The following NCBP3 variants were observed in gnomAD, a reference collection of about 807,000 sequenced individuals.
NCBP3 encodes the protein nuclear cap-binding protein subunit 3.
NCBP3 carries 20 observed loss-of-function variants against 75.7 expected under a neutral mutation model. The ratio of observed to expected loss-of-function variants is 0.26; its 90% CI spans 0.19 to 0.38. The LOEUF is 0.38. NCBP3 is among the 10% of genes least tolerant of loss of function. NCBP3 has a pLI of 1.00. For missense variants in NCBP3, 678 were observed against 796.9 expected, an observed-to-expected ratio of 0.85 and a Z score of 1.80; for synonymous variants, 293 against 290.5, an observed-to-expected ratio of 1.01 and a Z score of -0.09.
Position 3,829,362 on chromosome 17 carries a change from G to T in NCBP3, c.362C>A (p.Pro121His). ...ATAGATTGTCTCCAGTCTCACCTTG[G>T]GGATTGCTAGAAAGACAAGACACAG... ...LDRDMMKKAI[P>H]KVRLETIYIC... The change falls in exon 4 of 13, where the codon CCC becomes CAC. Residue 121 changes from proline to histidine, a missense_variant. Around this residue, in one of 7 missense-constraint regions of NCBP3, gnomAD observed 40 missense variants for 41.3 expected, o/e 0.97. Transcript: ENST00000389005. 2 of 1,551,420 alleles carry T rather than the reference G, an allele frequency of 1.3e-6. No homozygotes were observed. The highest frequency in any genetic ancestry group is 8.7e-7 in the Non-Finnish European group (1 of 1,146,720).
In NCBP3 at chr17:3,842,883, G is replaced by A. The variant is rs73314076; in HGVS notation, c.249+203C>T. 7.3e-3 allele frequency among the ~76,000 whole-genome samples: 1,110 copies of A among 151,828 alleles called. 15 individuals are homozygous for A. Among genetic ancestry groups the A allele is most frequent in the African/African-American group, 0.026 (1,072 of 41,380 alleles). ...TGGTCTCGAACTCCTGGGCTTAAACGATCCACTTGCTTGGCCTCTCAAAAT... is the reference window on the plus strand; with the variant it reads ...TGGTCTCGAACTCCTGGGCTTAAACAATCCACTTGCTTGGCCTCTCAAAAT... On this transcript the variant is annotated intron_variant, in intron 2 of 12. Transcript: ENST00000389005.
Position 3,825,681 on chromosome 17 carries a change from G to C in NCBP3, c.687+86C>G, listed in dbSNP as rs188647794. Reference sequence around the variant, plus strand: ...TAATGGTGAAAGCTAGAGAAAAAACGTAACTAAGTCTTTAAGGCTTAAGTT... The same window carrying C: ...TAATGGTGAAAGCTAGAGAAAAAACCTAACTAAGTCTTTAAGGCTTAAGTT... On this transcript the variant is annotated intron_variant, in intron 6 of 12. Coordinates refer to ENST00000389005, the MANE Select transcript of NCBP3 (RefSeq NM_001114118.3). 8.0e-4 allele frequency: 769 copies of C among 957,354 alleles called. 4 individuals carry two copies. The African/African-American group carries it at 9.9e-3, about 12-fold the overall frequency. 59.3% of individuals were successfully genotyped at this position (957,354 alleles called of 1,614,324 possible). A position where few individuals can be genotyped will look rare whatever the true frequency, so the allele number is the denominator to read the frequency against.
chr17:3,821,199 G>A (rs1260303685), intron 9 of NCBP3, 50 bp downstream of exon 9: 6 of 1,308,898 alleles, frequency 4.6e-6, no homozygotes, highest in Non-Finnish European at 6.6e-6. Context: ...ATAAAAATAT[G>A]ATTTCAGGAG....
chr17:3,825,192 T>C (rs1490388395), intron 6 of NCBP3, 142 bp from the exon 7 acceptor site: 1 of 530,650 alleles, frequency 1.9e-6, no homozygotes, highest in Non-Finnish European at 3.3e-6. Context: ...AATTTCTAAC[T>C]CAGAGATTTC....
intron 3 of NCBP3, among the ~76,000 whole-genome samples, chr17:3,831,138 C>T (rs914920498): frequency 1.5e-4 from 23 of 150,040 alleles, no homozygotes; most frequent in African/African-American, 5.4e-4. Context: ...CTCGAACTCC[C>T]GACCTCAGGT....
At position 3,812,594 on chromosome 17, in the gene NCBP3, G is replaced by A. The variant is rs1213623690; in HGVS notation, c.*450C>T. 15 of 1,011,024 alleles carry A rather than the reference G, an allele frequency of 1.5e-5. No individual in the cohort carries two copies. In the Admixed American group the frequency reaches 3.2e-4, roughly 21 times the overall value. The allele number at this position is 1,011,024 out of a possible 1,614,324, so 62.6% of individuals were successfully genotyped here. A position where few individuals can be genotyped will look rare whatever the true frequency, so the allele number is the denominator to read the frequency against. On this transcript the variant is annotated 3_prime_UTR_variant, in exon 13 of 13. Transcript: ENST00000389005. The stretch of plus-strand genomic sequence containing the variant: ...GGCCGCTTCCCTCCTCTTCCCCCTC[G>A]AAGGATGTCCAATAAGCACCTGGGA...
At chr17:3,827,456 T>C (rs218717) in intron 4 of NCBP3, among the ~76,000 whole-genome samples, 15,597 of 152,282 alleles carry the variant, frequency 0.1, 1,598 homozygotes, top group African/African-American at 0.26. Flanking sequence ...ATATGTAGAA[T>C]GGAGGCATGA....
chr17:3,825,292 G>C (rs1196567152), intron 6 of NCBP3, among the ~76,000 whole-genome samples: 2 of 152,132 alleles, frequency 1.3e-5, no homozygotes, highest in Non-Finnish European at 2.9e-5. Context: ...CACAGTATGA[G>C]ATATCTGTGC....
Position 3,843,171 on chromosome 17 carries a change from T to A in NCBP3, c.184-20A>T, listed in dbSNP as rs1161392381. 6.5e-7 allele frequency: 1 copy of A among 1,548,382 alleles called. No individual in the cohort carries two copies. The highest frequency in any genetic ancestry group is 8.7e-7 in the Non-Finnish European group (1 of 1,144,730). Reference sequence around the variant, plus strand: ...CGTGTCCTAACACAAAGGGGAAGGGTGAGAAATTCAGACAGCAATTGAGGA... The same window carrying A: ...CGTGTCCTAACACAAAGGGGAAGGGAGAGAAATTCAGACAGCAATTGAGGA... On this transcript the variant is annotated intron_variant, in intron 1 of 12. Transcript: ENST00000389005.
chr17:3,814,755 T>C (rs1026360220), intron 11 of NCBP3, among the ~76,000 whole-genome samples: 40 of 151,548 alleles, frequency 2.6e-4, no homozygotes, highest in Non-Finnish European at 2.4e-4. Flanking sequence ...TTAAGCAGAA[T>C]CAAGAAGACT....
chr17:3,832,682 C>A (rs1181894559), intron 3 of NCBP3, among the ~76,000 whole-genome samples: 1 of 151,786 alleles, frequency 6.6e-6, no homozygotes. Flanking sequence ...GATTTAATGT[C>A]TATTACTACC....
In NCBP3 at chr17:3,805,550, C is replaced by A. The variant is rs185051570; in HGVS notation, c.*7494G>T. The A allele has an allele frequency of 3.0e-3, 452 of 152,470 alleles. 3 individuals are homozygous for A. Among genetic ancestry groups the A allele is most frequent in the African/African-American group, 0.01 (429 of 41,566 alleles). 9.4% of individuals were successfully genotyped at this position (152,470 alleles called of 1,614,324 possible). On this transcript the variant is annotated 3_prime_UTR_variant, in exon 13 of 13. Transcript: ENST00000389005. The stretch of plus-strand genomic sequence containing the variant: ...AAGAGGGTGCTCACCATGTTGGCAT[C>A]CTCCGGCCTCAGATCTGTGGGGGAC...
chr17:3,821,230 G>T lies in NCBP3; in HGVS notation c.1000+19C>A. 1 of 1,564,816 alleles carries T rather than the reference G, an allele frequency of 6.4e-7. No homozygotes were observed. The highest frequency in any genetic ancestry group is 1.1e-5 in the South Asian group (1 of 90,066). On this transcript the variant is annotated intron_variant, in intron 9 of 12. Transcript: ENST00000389005. The stretch of plus-strand genomic sequence containing the variant: ...AGGAGCCAAACATGTGTCTACCCAA[G>T]AGCTGAGCAGGCAACTACCAGAATG...
intron 3 of NCBP3, among the ~76,000 whole-genome samples, chr17:3,832,910 T>C (rs192115631): frequency 2.0e-5 from 3 of 152,124 alleles, no homozygotes; most frequent in East Asian, 1.9e-4. Context: ...TTCAGTTGAG[T>C]GCTTTCCTGA....
chr17:3,823,087 G>A (rs191188951), intron 7 of NCBP3, among the ~76,000 whole-genome samples: 1 of 152,322 alleles, frequency 6.6e-6, no homozygotes, highest in East Asian at 1.9e-4. Context: ...GCTGAGGCGG[G>A]CGGATCACAA....
chr17:3,831,152 C>A (rs1390367633), intron 3 of NCBP3, among the ~76,000 whole-genome samples: 4 of 150,944 alleles, frequency 2.6e-5, no homozygotes, highest in Admixed American at 2.6e-4. Flanking sequence ...CTCAGGTGAT[C>A]CGCCTGCCTC....
At chr17:3,826,660 A>G (rs1238586784) in intron 4 of NCBP3, among the ~76,000 whole-genome samples, 1 of 149,384 alleles carries the variant, frequency 6.7e-6, no homozygotes, top group Non-Finnish European at 1.5e-5. Flanking sequence ...AAATAAATAA[A>G]AAAGAAAGAA....
At chr17:3,825,917 T>C in intron 5 of NCBP3, 74 bp from the exon 6 acceptor site, 1 of 1,415,372 alleles carries the variant, frequency 7.1e-7, no homozygotes, top group Non-Finnish European at 9.7e-7. Flanking sequence ...ATGAACTATC[T>C]CATATAATTT....
chr17:3,826,872 G>A (rs12946785), intron 4 of NCBP3, among the ~76,000 whole-genome samples: 1 of 151,772 alleles, frequency 6.6e-6, no homozygotes, highest in Non-Finnish European at 1.5e-5. Flanking sequence ...AATTAGCCGG[G>A]CGTGGTGGCG....
Sources: gnomAD v4.1 joint callset for allele counts (sites outside exome capture counted in the v4.1 genomes callset) on GRCh38, gnomAD v4.1.1 for gene constraint, gnomAD v4.1.1 regional missense constraint, MANE v1.5 for transcripts, NCBI Gene and HGNC (gene_info 2026-07-23, HGNC 2026-07-21) for gene names.